The following PARD3 variants were observed in gnomAD, a reference collection of about 807,000 sequenced individuals.
PARD3 encodes the protein par-3 family cell polarity regulator.
PARD3 carries 75 observed loss-of-function variants against 155.4 expected under a neutral mutation model. The ratio of observed to expected loss-of-function variants is 0.48; its 90% CI spans 0.40 to 0.58. The LOEUF (loss-of-function observed/expected upper bound fraction) is 0.58, where lower values mean the gene tolerates loss of function less well. PARD3 is among the 20% of genes least tolerant of loss of function. The pLI, the probability that PARD3 is intolerant of heterozygous loss-of-function variation, is 0.00. For missense variants in PARD3, 1,642 were observed against 1,721.7 expected, an observed-to-expected ratio of 0.95 and a Z score of 0.82; for synonymous variants, 576 against 610.5, an observed-to-expected ratio of 0.94 and a Z score of 0.83.
intron 5 of PARD3, among the ~76,000 whole-genome samples, chr10:34,417,539 T>C (rs1845787686): frequency 6.6e-6 from 1 of 152,236 alleles, no homozygotes; most frequent in Admixed American, 6.5e-5. Flanking sequence ...ATAGAAATTC[T>C]TAAAGGTGAT....
intron 22 of PARD3, among the ~76,000 whole-genome samples, chr10:34,146,511 C>T (rs1011036800): frequency 6.6e-5 from 10 of 152,082 alleles, no homozygotes; most frequent in South Asian, 2.1e-4. Context: ...AAGATTTAAC[C>T]GAGTCCTCCA....
intron 18 of PARD3, among the ~76,000 whole-genome samples, chr10:34,333,462 A>G (rs1271670375): frequency 1.3e-5 from 2 of 152,106 alleles, no homozygotes; most frequent in Admixed American, 6.6e-5. Context: ...CCCTAAATTC[A>G]TAACACTCTG....
At chr10:34,311,272 TA>T (rs989272438) in intron 20 of PARD3, among the ~76,000 whole-genome samples, 2 of 152,156 alleles carry the variant, frequency 1.3e-5, no homozygotes, top group African/African-American at 4.8e-5. Flanking sequence ...TTTTTTTATT[TA>T]TTTTTTTTAA....
At chr10:34,290,601 T>C (rs994350955) in intron 20 of PARD3, among the ~76,000 whole-genome samples, 8 of 152,228 alleles carry the variant, frequency 5.3e-5, no homozygotes, top group South Asian at 2.1e-4. Context: ...GTGGTCAATA[T>C]AGTCACTAGT....
chr10:34,577,840 C>T lies in PARD3; in HGVS notation c.223-60681G>A, dbSNP rs188137866. Among the ~76,000 whole-genome samples the T allele has an allele frequency of 2.0e-5, 3 of 150,404 alleles. No individual in the cohort carries two copies. The East Asian group carries it at 5.8e-4, about 29-fold the overall frequency. Reference sequence around the variant, plus strand: ...TCTTTATTTAATGCATTAGTCAATGCTAGAATAAACTTTTTTTTTTTTTTT... The same window carrying T: ...TCTTTATTTAATGCATTAGTCAATGTTAGAATAAACTTTTTTTTTTTTTTT... On this transcript the variant is annotated intron_variant, in intron 2 of 24. Transcript: ENST00000374788.
intron 5 of PARD3, among the ~76,000 whole-genome samples, chr10:34,424,237 TCTAA>T (rs1399636519): frequency 2.0e-5 from 3 of 152,218 alleles, no homozygotes; most frequent in Non-Finnish European, 4.4e-5. Context: ...CATCATTTTC[TCTAA>T]CAAACAAACA....
At chr10:34,215,563 G>C (rs2133431586) in intron 22 of PARD3, among the ~76,000 whole-genome samples, 1 of 152,290 alleles carries the variant, frequency 6.6e-6, no homozygotes, top group Middle Eastern at 3.4e-3. Flanking sequence ...AGGACAACTT[G>C]CATGAACAGA....
chr10:34,742,686 T>C (rs2095040705), intron 1 of PARD3, among the ~76,000 whole-genome samples: 1 of 152,206 alleles, frequency 6.6e-6, no homozygotes, highest in South Asian at 2.1e-4. Context: ...CGTGGAGGCT[T>C]TTTAATACCA....
In PARD3 at chr10:34,261,843, AAC is replaced by A. The variant is rs147251426; in HGVS notation, c.3419+7812_3419+7813del. Among the ~76,000 whole-genome samples the A allele has an allele frequency of 4.0e-3, 584 of 147,642 alleles. 2 individuals carry two copies. Among genetic ancestry groups the A allele is most frequent in the African/African-American group, 0.014 (542 of 38,610 alleles). On this transcript the variant is annotated intron_variant, in intron 22 of 24. Transcript: ENST00000374788. ...AAAGAAAGAAACAAACAAACAAACA[AAC>A]ACACACACACTGGACAGAATGCAGT...
chr10:34,524,535 T>A (rs2082349659), intron 2 of PARD3, among the ~76,000 whole-genome samples: 1 of 152,306 alleles, frequency 6.6e-6, no homozygotes, highest in South Asian at 2.1e-4. Context: ...TATGTTCAAC[T>A]AATAGCCTTG....
At chr10:34,247,777 TCTGA>T (rs1954052263) in intron 22 of PARD3, among the ~76,000 whole-genome samples, 3 of 152,360 alleles carry the variant, frequency 2.0e-5, no homozygotes, top group Non-Finnish European at 4.4e-5. Context: ...TTGGTGGTAT[TCTGA>T]CTCAGAATGG....
At chr10:34,264,746 G>C (rs1320816247) in intron 22 of PARD3, among the ~76,000 whole-genome samples, 1 of 100,340 alleles carries the variant, frequency 1.0e-5, no homozygotes, top group Non-Finnish European at 2.0e-5. Flanking sequence ...AAAAAACTGG[G>C]ATTTTTTTTT....
intron 7 of PARD3, among the ~76,000 whole-genome samples, chr10:34,397,871 A>G (rs1421496849): frequency 6.6e-6 from 1 of 152,150 alleles, no homozygotes; most frequent in East Asian, 1.9e-4. Context: ...ATTTTACCTT[A>G]TCTTTTTTTT....
chr10:34,449,119 A>G (rs142712198), intron 5 of PARD3, among the ~76,000 whole-genome samples: 11,465 of 151,442 alleles, frequency 0.076, 1,316 homozygotes, highest in African/African-American at 0.25. Context: ...GGGTTTCACC[A>G]TGTTAGCCAG....
chr10:34,573,655 C>T (rs935426633), intron 2 of PARD3, among the ~76,000 whole-genome samples: 1 of 151,552 alleles, frequency 6.6e-6, no homozygotes, highest in African/African-American at 2.4e-5. Flanking sequence ...TGCAGTAAGC[C>T]GAGATCATGC....
rs2083863253 is a variant in PARD3 at position 34,544,154 on chromosome 10, TCTGCA to T, written c.223-27000_223-26996del. Among the ~76,000 whole-genome samples, 4 of 152,346 alleles carry T rather than the reference TCTGCA, an allele frequency of 2.6e-5. No individual in the cohort carries two copies. In the South Asian group the frequency reaches 8.3e-4, roughly 32 times the overall value. ...CCTAGCCTAACTTTTCTTTTTGAAT[TCTGCA>T]TCTATTAACACTTAAAATTTTTGGA... On this transcript the variant is annotated intron_variant, in intron 2 of 24. Transcript: ENST00000374788.
chr10:34,114,436 T>C (rs1946556614), intron 24 of PARD3, among the ~76,000 whole-genome samples: 1 of 152,138 alleles, frequency 6.6e-6, no homozygotes, highest in African/African-American at 2.4e-5. Flanking sequence ...TTCTACTTCC[T>C]GGGTTCAAGC....
At chr10:34,284,690 A>G (rs1956304134) in intron 20 of PARD3, among the ~76,000 whole-genome samples, 1 of 152,212 alleles carries the variant, frequency 6.6e-6, no homozygotes, top group African/African-American at 2.4e-5. Flanking sequence ...TTATTTTCAC[A>G]GCCAGGCTTA....
rs1256053357 is a variant in PARD3, at chr10:34,605,579, CTATATATATCTCCTATA to C, written c.223-88437_223-88421del. On this transcript the variant is annotated intron_variant, in intron 2 of 24. Transcript: ENST00000374788. Reference sequence around the variant, plus strand: ...TATCTCCTATATATATATATATCTCCTATATATATCTCCTATATATATATATCTCCTATATATATATC... The same window carrying C: ...TATCTCCTATATATATATATATCTCCTATATATATCTCCTATATATATATC... 6.4e-4 allele frequency among the ~76,000 whole-genome samples: 16 copies of C among 24,852 alleles called. 1 individual carries two copies. The highest frequency in any genetic ancestry group is 2.9e-3 in the Admixed American group (7 of 2,414). The allele number at this position is 24,852 out of a possible 152,430, so 16.3% of individuals were successfully genotyped here. A position where few individuals can be genotyped will look rare whatever the true frequency, so the allele number is the denominator to read the frequency against.
Sources: allele counts gnomAD v4.1 joint callset (sites outside exome capture counted in the v4.1 genomes callset), GRCh38; gene constraint gnomAD v4.1.1; transcripts MANE v1.5; gene names NCBI Gene and HGNC (gene_info 2026-07-23, HGNC 2026-07-21).